The following ACTR2 variants were observed in gnomAD, a reference collection of about 807,000 sequenced individuals.
ACTR2 encodes the protein actin related protein 2.
A neutral mutation model predicts 50.2 loss-of-function variants in ACTR2; 5 were observed. The ratio of observed to expected loss-of-function variants is 0.10; its 90% CI spans 0.05 to 0.21. The LOEUF (loss-of-function observed/expected upper bound fraction) is 0.21, where lower values mean the gene tolerates loss of function less well. Ranked by LOEUF, ACTR2 falls within the 10% of genes least tolerant of loss-of-function variation. The probability of loss-of-function intolerance (pLI) is 1.00; values close to 1 mark genes in which losing one functional copy is unlikely to be tolerated. For synonymous variants in ACTR2, 140 were observed against 162.9 expected, an observed-to-expected ratio of 0.86 and a Z score of 1.07; for missense variants, 180 against 480.6, an observed-to-expected ratio of 0.37 and a Z score of 5.85.
chr2:65,256,610 G>A (rs952674587), intron 6 of ACTR2, among the ~76,000 whole-genome samples: 21 of 152,208 alleles, frequency 1.4e-4, no homozygotes, highest in African/African-American at 4.8e-4. Flanking sequence ...GGTGGCTCAC[G>A]CCTGTAATCC....
chr2:65,253,966 C>A, intron 5 of ACTR2, 102 bp downstream of exon 5: 1 of 950,234 alleles, frequency 1.1e-6, no homozygotes. Context: ...AAATCTGTAC[C>A]ACTAGAGAAA....
intron 2 of ACTR2, among the ~76,000 whole-genome samples, chr2:65,245,373 A>G (rs1671916338): frequency 6.6e-6 from 1 of 151,908 alleles, no homozygotes; most frequent in Non-Finnish European, 1.5e-5. Flanking sequence ...TACAAAAATT[A>G]GCCAGGCGTG....
At chr2:65,242,358 G>T (rs1011789711) in intron 2 of ACTR2, among the ~76,000 whole-genome samples, 4 of 152,088 alleles carry the variant, frequency 2.6e-5, no homozygotes, top group African/African-American at 9.7e-5. Context: ...AATGTGTTGT[G>T]CATAATATTA....
At chr2:65,246,424 AT>A in intron 2 of ACTR2, 99 bp from the exon 3 acceptor site, 1 of 818,076 alleles carries the variant, frequency 1.2e-6, no homozygotes, top group South Asian at 2.1e-5. Flanking sequence ...GAATAAAAAG[AT>A]TTATTTTGCA....
At chr2:65,255,801 TG>T (rs1672138843) in intron 6 of ACTR2, 107 bp downstream of exon 6, 2 of 954,242 alleles carry the variant, frequency 2.1e-6, no homozygotes, top group African/African-American at 3.3e-5. Context: ...TGTCTTGGGT[TG>T]TTGTAATATG....
At chr2:65,245,807 G>A (rs976117520) in intron 2 of ACTR2, among the ~76,000 whole-genome samples, 2 of 152,146 alleles carry the variant, frequency 1.3e-5, no homozygotes, top group East Asian at 1.9e-4. Flanking sequence ...TATGCTTCAT[G>A]TGTGATGGTG....
At chr2:65,258,710 C>G (rs1672201078) in intron 6 of ACTR2, among the ~76,000 whole-genome samples, 1 of 152,008 alleles carries the variant, frequency 6.6e-6, no homozygotes, top group Non-Finnish European at 1.5e-5. Flanking sequence ...AAATACAGAA[C>G]AGGATAAGAT....
chr2:65,246,474 C>T, intron 2 of ACTR2, 50 bp from the exon 3 acceptor site: 1 of 1,288,596 alleles, frequency 7.8e-7, no homozygotes. Context: ...CCCAAGTTTT[C>T]TTAAATATTA....
At chr2:65,237,573 G>A (rs1019661586) in intron 1 of ACTR2, among the ~76,000 whole-genome samples, 19 of 152,082 alleles carry the variant, frequency 1.2e-4, no homozygotes, top group African/African-American at 4.1e-4. Flanking sequence ...TGTAACTGCC[G>A]GGCACAGTGG....
chr2:65,233,393 G>A (rs1448973507), intron 1 of ACTR2, among the ~76,000 whole-genome samples: 2 of 151,858 alleles, frequency 1.3e-5, no homozygotes, highest in Non-Finnish European at 2.9e-5. Context: ...AGTGGTTGAT[G>A]CCTATAATCC....
In ACTR2 at chr2:65,265,206, A is replaced by G. The variant is rs6752683; in HGVS notation, c.1014+31A>G. On this transcript the variant is annotated intron_variant, in intron 8 of 8. Transcript: ENST00000260641. Reference sequence around the variant, plus strand: ...TATTAGTAAATCAACTATTACTAACATTCTTTTAAAAGGCTATACAGTAGT... The same window carrying G: ...TATTAGTAAATCAACTATTACTAACGTTCTTTTAAAAGGCTATACAGTAGT... The G allele has an allele frequency of 2.5e-3, 4,063 of 1,612,900 alleles. 95 individuals are homozygous for G. The African/African-American group carries it at 0.044, about 18-fold the overall frequency.
intron 3 of ACTR2, among the ~76,000 whole-genome samples, chr2:65,247,686 CGAA>C (rs1558623950): frequency 6.6e-6 from 1 of 151,806 alleles, no homozygotes. Flanking sequence ...TTCACACCGA[CGAA>C]GAAGAGGAGG....
At chr2:65,228,308 C>T in intron 1 of ACTR2, 1 of 255,846 alleles carries the variant, frequency 3.9e-6, no homozygotes, top group Admixed American at 5.5e-5. Flanking sequence ...TTTGTGTGTT[C>T]CGAGAAGGGC....
At chr2:65,245,600 T>C (rs904029229) in intron 2 of ACTR2, among the ~76,000 whole-genome samples, 14 of 152,220 alleles carry the variant, frequency 9.2e-5, no homozygotes, top group African/African-American at 3.4e-4. Flanking sequence ...GTAGCAAATA[T>C]CTACTTCTGA....
chr2:65,243,227 C>T (rs1297341266), intron 2 of ACTR2, among the ~76,000 whole-genome samples: 6 of 151,892 alleles, frequency 4.0e-5, no homozygotes, highest in Non-Finnish European at 7.4e-5. Context: ...TGCAGTGAGC[C>T]GAGATCACGC....
intron 3 of ACTR2, among the ~76,000 whole-genome samples, chr2:65,249,000 G>A (rs1011055365): frequency 7.3e-5 from 11 of 151,450 alleles, no homozygotes; most frequent in African/African-American, 1.2e-4. Context: ...GCGACAGAGC[G>A]AGACTCTGTC....
intron 1 of ACTR2, among the ~76,000 whole-genome samples, chr2:65,235,486 G>C (rs1468543928): frequency 6.6e-6 from 1 of 152,184 alleles, no homozygotes; most frequent in Non-Finnish European, 1.5e-5. Flanking sequence ...GCTGGGTGCC[G>C]TGGCTCACGC....
chr2:65,261,438 T>C, intron 7 of ACTR2, 46 bp downstream of exon 7: 1 of 1,530,660 alleles, frequency 6.5e-7, no homozygotes. Flanking sequence ...AGAAAAATCA[T>C]AAAAATAGTT....
At chr2:65,248,812 G>A (rs1385708813) in intron 3 of ACTR2, among the ~76,000 whole-genome samples, 2 of 152,054 alleles carry the variant, frequency 1.3e-5, no homozygotes, top group Non-Finnish European at 2.9e-5. Context: ...CTAGGAATTT[G>A]AGACCAGCCT....
Sources: gnomAD v4.1 joint callset for allele counts (sites outside exome capture counted in the v4.1 genomes callset) on GRCh38, gnomAD v4.1.1 for gene constraint, MANE v1.5 for transcripts, NCBI Gene and HGNC (gene_info 2026-07-23, HGNC 2026-07-21) for gene names.